OSBPL9: variants seen among roughly 807,000 people sequenced by gnomAD.
The protein encoded by OSBPL9 is oxysterol binding protein like 9, also known as oxysterol-binding protein-related protein 9.
In OSBPL9, 40 loss-of-function variants were observed where a neutral mutation model predicts 106.6. The observed-to-expected ratio is 0.38, with a 90% CI of 0.29 to 0.49. The LOEUF is 0.49. Ranked by LOEUF, OSBPL9 falls within the 20% of genes least tolerant of loss-of-function variation. The pLI is 0.97. For missense variants in OSBPL9, 609 were observed against 887.2 expected, an observed-to-expected ratio of 0.69 and a Z score of 3.98; for synonymous variants, 269 against 295.4, an observed-to-expected ratio of 0.91 and a Z score of 0.92.
intron 18 of OSBPL9, 64 bp from the exon 19 acceptor site, chr1:51,784,200 C>G (rs77197906): frequency 6.5e-6 from 10 of 1,535,616 alleles, no homozygotes; most frequent in Non-Finnish European, 9.0e-6. Flanking sequence ...ACCATCAGCT[C>G]GACAAGAAAG....
intron 3 of OSBPL9, chr1:51,707,262 T>C (rs1658755476): frequency 8.2e-6 from 2 of 243,036 alleles, no homozygotes; most frequent in Non-Finnish European, 1.7e-5. Flanking sequence ...GGCCCCATCA[T>C]GGAAGGTGGA....
At chr1:51,782,486 C>A in intron 16 of OSBPL9, 73 bp from the exon 17 acceptor site, 3 of 1,327,338 alleles carry the variant, frequency 2.3e-6, no homozygotes, top group East Asian at 2.4e-5. Context: ...AGCAGAGACC[C>A]CAATTACCAG....
chr1:51,669,955 A>T, intron 3 of OSBPL9: 1 of 365,660 alleles, frequency 2.7e-6, no homozygotes, highest in South Asian at 2.1e-5. Flanking sequence ...CTTTGGCTTA[A>T]AGGTTTTGCT....
At chr1:51,698,351 C>T (rs1656512244) in intron 3 of OSBPL9, among the ~76,000 whole-genome samples, 1 of 151,940 alleles carries the variant, frequency 6.6e-6, no homozygotes, top group South Asian at 2.1e-4. Flanking sequence ...ATTTAGTGGG[C>T]CCAAATCAGC....
chr1:51,632,793 T>G (rs966522742), intron 1 of OSBPL9, among the ~76,000 whole-genome samples: 1 of 152,160 alleles, frequency 6.6e-6, no homozygotes, highest in Non-Finnish European at 1.5e-5. Flanking sequence ...CTTGGAATTT[T>G]ATCACCTGAA....
chr1:51,738,731 A>G (rs1490865512), intron 4 of OSBPL9, among the ~76,000 whole-genome samples: 1 of 152,046 alleles, frequency 6.6e-6, no homozygotes, highest in East Asian at 1.9e-4. Flanking sequence ...AATTTAACTT[A>G]TGCTTATAGC....
the OSBPL9 span, among the ~76,000 whole-genome samples, chr1:51,520,258 C>T: frequency 1.3e-5 from 2 of 152,172 alleles, no homozygotes; most frequent in Admixed American, 6.5e-5. Flanking sequence ...TAAAGGCCTT[C>T]GTTCCTGCCT....
chr1:51,665,822 T>G (rs1237785778), intron 2 of OSBPL9, among the ~76,000 whole-genome samples: 1 of 152,144 alleles, frequency 6.6e-6, no homozygotes, highest in Non-Finnish European at 1.5e-5. Context: ...GAAATGTTTC[T>G]GCAGCAGCAA....
chr1:51,588,354 C>T (rs1645257408), intron 1 of OSBPL9, among the ~76,000 whole-genome samples: 1 of 152,184 alleles, frequency 6.6e-6, no homozygotes, highest in Non-Finnish European at 1.5e-5. Context: ...TGCACTCCAG[C>T]CTGGGCAACA....
At chr1:51,603,775 G>A (rs1020015294) in intron 2 of OSBPL9, among the ~76,000 whole-genome samples, 3 of 152,204 alleles carry the variant, frequency 2.0e-5, no homozygotes, top group Non-Finnish European at 4.4e-5. Flanking sequence ...ATGTGTCTTG[G>A]TTTGGGTTGG....
chr1:51,722,758 A>T (rs1360436758), intron 4 of OSBPL9, among the ~76,000 whole-genome samples: 22 of 152,238 alleles, frequency 1.4e-4, no homozygotes, highest in Admixed American at 1.4e-3. Flanking sequence ...CTTCTACCGT[A>T]TACATGCTTG....
At chr1:51,535,602 G>A in the OSBPL9 span, among the ~76,000 whole-genome samples, 1 of 151,642 alleles carries the variant, frequency 6.6e-6, no homozygotes, top group African/African-American at 2.4e-5. Flanking sequence ...CTGTCGCCCA[G>A]GCTGGAGTGC....
intron 2 of OSBPL9, among the ~76,000 whole-genome samples, chr1:51,659,526 G>A (rs957828332): frequency 6.6e-6 from 1 of 151,410 alleles, no homozygotes; most frequent in Non-Finnish European, 1.5e-5. Context: ...GAAATAGAAA[G>A]AAGAAAATAA....
intron 1 of OSBPL9, among the ~76,000 whole-genome samples, chr1:51,584,834 T>C (rs1645238481): frequency 6.6e-6 from 1 of 152,172 alleles, no homozygotes; most frequent in African/African-American, 2.4e-5. Flanking sequence ...CCTGAATCAA[T>C]CTCTGTTACA....
intron 15 of OSBPL9, among the ~76,000 whole-genome samples, chr1:51,780,032 C>T (rs538868645): frequency 9.3e-5 from 14 of 150,642 alleles, no homozygotes; most frequent in Admixed American, 6.0e-4. Flanking sequence ...GAGCCAAGAT[C>T]GCGCCACTGC....
At chr1:51,576,353 C>T (rs1316594696), upstream of OSBPL9, among the ~76,000 whole-genome samples, 1 of 152,152 alleles carries the variant, frequency 6.6e-6, no homozygotes, top group African/African-American at 2.4e-5. Context: ...GCTTCTCTGA[C>T]CATCATCGAC....
intron 3 of OSBPL9, among the ~76,000 whole-genome samples, chr1:51,711,473 C>CCCG (rs1462647194): frequency 6.0e-5 from 8 of 133,434 alleles, no homozygotes; most frequent in African/African-American, 2.0e-4. Flanking sequence ...CTGACCCCCC[C>CCCG]ACCTCCCTCC....
At chr1:51,733,745 A>G (rs1043526449) in intron 4 of OSBPL9, among the ~76,000 whole-genome samples, 8 of 152,048 alleles carry the variant, frequency 5.3e-5, no homozygotes, top group Non-Finnish European at 1.2e-4. Context: ...ATTGCACCCC[A>G]GCCTGGGTGA....
intron 4 of OSBPL9, among the ~76,000 whole-genome samples, chr1:51,731,866 G>A (rs1425955258): frequency 6.6e-6 from 1 of 151,988 alleles, no homozygotes; most frequent in Non-Finnish European, 1.5e-5. Flanking sequence ...CAACAGACAA[G>A]TTTCATCTGT....
Sources: gnomAD v4.1 joint callset for allele counts (sites outside exome capture counted in the v4.1 genomes callset) on GRCh38, gnomAD v4.1.1 for gene constraint, MANE v1.5 for transcripts, NCBI Gene and HGNC (gene_info 2026-07-23, HGNC 2026-07-21) for gene names.